The following YAF2 variants were observed in gnomAD, a reference collection of about 807,000 sequenced individuals.
YAF2 encodes the protein YY1-associated factor 2.
YAF2 carries 7 observed loss-of-function variants against 20.1 expected under a neutral mutation model. The observed-to-expected ratio is 0.35, with a 90% CI of 0.20 to 0.65. YAF2 has a LOEUF of 0.65. Ranked by LOEUF, YAF2 falls within the 30% of genes least tolerant of loss-of-function variation. YAF2 has a pLI of 0.69. For synonymous variants in YAF2, 74 were observed against 76.0 expected, an observed-to-expected ratio of 0.97 and a Z score of 0.14; for missense variants, 151 against 219.2, an observed-to-expected ratio of 0.69 and a Z score of 1.96.
chr12:42,178,997 G>A (rs2066269375), intron 2 of YAF2, among the ~76,000 whole-genome samples: 1 of 152,040 alleles, frequency 6.6e-6, no homozygotes, highest in East Asian at 1.9e-4. Flanking sequence ...AGGTTATAAT[G>A]AGCTATGACT....
intron 2 of YAF2, among the ~76,000 whole-genome samples, chr12:42,224,011 C>T (rs764951769): frequency 3.9e-5 from 6 of 152,064 alleles, no homozygotes; most frequent in Non-Finnish European, 7.4e-5. Context: ...TCTTCAAGTT[C>T]TGCACATGTA....
chr12:42,201,776 TG>T (rs2066904660), intron 2 of YAF2, among the ~76,000 whole-genome samples: 3 of 152,180 alleles, frequency 2.0e-5, no homozygotes, highest in Admixed American at 1.3e-4. Context: ...TTCACCATGT[TG>T]ATCAGGCTGG....
Position 42,179,268 on chromosome 12 carries a change from G to A in YAF2, c.153-17503C>T, listed in dbSNP as rs547908325. On this transcript the variant is annotated intron_variant, in intron 2 of 3. Coordinates refer to ENST00000534854, the MANE Select transcript of YAF2 (RefSeq NM_005748.6). ...CTGTATCACCTGAGGTCAGGAGTTCGAGATCAGCCTGGCCAACGTGGTGAA... is the reference window on the plus strand; with the variant it reads ...CTGTATCACCTGAGGTCAGGAGTTCAAGATCAGCCTGGCCAACGTGGTGAA... Among the ~76,000 whole-genome samples, 74 of 152,298 alleles carry A rather than the reference G, an allele frequency of 4.9e-4. 1 individual carries two copies. The highest frequency in any genetic ancestry group is 1.2e-3 in the South Asian group (6 of 4,826).
chr12:42,219,243 G>A lies in YAF2; in HGVS notation c.152+18356C>T, dbSNP rs575248280. Reference sequence around the variant, plus strand: ...CCACTCAACACAATTTGAAACCACTGGGCCTCCTGAGGGACAGCCAGGTCT... The same window carrying A: ...CCACTCAACACAATTTGAAACCACTAGGCCTCCTGAGGGACAGCCAGGTCT... On this transcript the variant is annotated intron_variant, in intron 2 of 3. Coordinates refer to ENST00000534854, the MANE Select transcript of YAF2 (RefSeq NM_005748.6). 5.3e-5 allele frequency among the ~76,000 whole-genome samples: 8 copies of A among 152,222 alleles called. No homozygotes were observed. In the South Asian group the frequency reaches 1.0e-3, roughly 20 times the overall value.
chr12:42,235,325 C>G (rs912108858), intron 2 of YAF2: 6 of 996,910 alleles, frequency 6.0e-6, no homozygotes, highest in Non-Finnish European at 7.2e-6. Context: ...GAAACTTTTG[C>G]TTCTCAACAC....
chr12:42,168,991 T>C (rs2065978576), intron 2 of YAF2, among the ~76,000 whole-genome samples: 1 of 152,110 alleles, frequency 6.6e-6, no homozygotes, highest in Non-Finnish European at 1.5e-5. Context: ...TACTGAAGTC[T>C]CTCCCATCTA....
intron 2 of YAF2, among the ~76,000 whole-genome samples, chr12:42,198,862 G>C (rs1022947400): frequency 3.9e-5 from 6 of 152,140 alleles, no homozygotes; most frequent in African/African-American, 1.2e-4. Flanking sequence ...CTAAGTCTGT[G>C]CTGTTCAATA....
intron 2 of YAF2, among the ~76,000 whole-genome samples, chr12:42,182,043 C>T (rs1295816188): frequency 6.6e-6 from 1 of 152,042 alleles, no homozygotes; most frequent in Non-Finnish European, 1.5e-5. Flanking sequence ...ATGAAAGTAC[C>T]TCTCTGCCAA....
chr12:42,189,291 G>A (rs1331698726), intron 2 of YAF2, among the ~76,000 whole-genome samples: 1 of 152,210 alleles, frequency 6.6e-6, no homozygotes, highest in East Asian at 1.9e-4. Flanking sequence ...GGAGAATTCT[G>A]ATTGATATAT....
At chr12:42,178,585 T>C (rs772039440) in intron 2 of YAF2, among the ~76,000 whole-genome samples, 2 of 152,110 alleles carry the variant, frequency 1.3e-5, no homozygotes, top group Non-Finnish European at 2.9e-5. Context: ...TATAACTATA[T>C]CATCAAATAC....
intron 2 of YAF2, among the ~76,000 whole-genome samples, chr12:42,224,167 T>TA (rs1362652833): frequency 1.3e-5 from 2 of 152,170 alleles, no homozygotes; most frequent in African/African-American, 4.8e-5. Context: ...CACTAGCAAA[T>TA]ATTACCTATC....
intron 2 of YAF2, among the ~76,000 whole-genome samples, chr12:42,180,226 G>A (rs772413543): frequency 1.1e-4 from 16 of 152,284 alleles, no homozygotes; most frequent in Admixed American, 2.6e-4. Context: ...AAACCGATTG[G>A]ATGTCATTTC....
intron 2 of YAF2, chr12:42,199,104 T>C (rs757347474): frequency 5.8e-5 from 69 of 1,187,472 alleles, no homozygotes; most frequent in Non-Finnish European, 7.3e-5. Context: ...TTCAACAAGA[T>C]GATTTTAAGG....
intron 2 of YAF2, among the ~76,000 whole-genome samples, chr12:42,217,504 T>C (rs951362684): frequency 6.6e-6 from 1 of 152,162 alleles, no homozygotes; most frequent in Non-Finnish European, 1.5e-5. Flanking sequence ...CAGAATCAGA[T>C]ATATAATAAA....
At chr12:42,175,066 T>C (rs1373374712) in intron 2 of YAF2, among the ~76,000 whole-genome samples, 3 of 152,188 alleles carry the variant, frequency 2.0e-5, no homozygotes, top group East Asian at 1.9e-4. Context: ...ATACAAAAAC[T>C]TGTACACAAA....
At position 42,159,172 on chromosome 12, in the gene YAF2, T is replaced by C. The variant is rs943997680; in HGVS notation, c.*1417A>G. On this transcript the variant is annotated 3_prime_UTR_variant, in exon 4 of 4. Transcript: ENST00000534854. ...TTAAACAGAAAATTACATTACCACA[T>C]GAAACCACCAAATATCACAACTGTT... 55 of 152,176 alleles carry C rather than the reference T, an allele frequency of 3.6e-4. 1 individual carries two copies. Among genetic ancestry groups the C allele is most frequent in the Non-Finnish European group, 7.4e-5 (5 of 67,990 alleles). The allele number at this position is 152,176 out of a possible 1,614,324, so 9.4% of individuals were successfully genotyped here. A position where few individuals can be genotyped will look rare whatever the true frequency, so the allele number is the denominator to read the frequency against.
At chr12:42,196,483 C>G (rs761215750) in intron 2 of YAF2, among the ~76,000 whole-genome samples, 1 of 151,966 alleles carries the variant, frequency 6.6e-6, no homozygotes, top group African/African-American at 2.4e-5. Context: ...TTTGGCTATA[C>G]CAGAAGTTTC....
At chr12:42,224,850 T>C (rs2067640965) in intron 2 of YAF2, among the ~76,000 whole-genome samples, 1 of 152,238 alleles carries the variant, frequency 6.6e-6, no homozygotes, top group Non-Finnish European at 1.5e-5. Flanking sequence ...TGTGCATGTG[T>C]CTTTACAGTA....
At chr12:42,237,811 GC>G in intron 1 of YAF2, 87 bp from the exon 2 acceptor site, 2 of 881,374 alleles carry the variant, frequency 2.3e-6, no homozygotes, top group Non-Finnish European at 1.3e-6. Flanking sequence ...CCCCCGCCCC[GC>G]CCCCCGCCCC....
Sources: gnomAD v4.1 joint callset for allele counts (sites outside exome capture counted in the v4.1 genomes callset) on GRCh38, gnomAD v4.1.1 for gene constraint, MANE v1.5 for transcripts, NCBI Gene and HGNC (gene_info 2026-07-23, HGNC 2026-07-21) for gene names.